Variants in ADCY5 observed in about 807,000 individuals in gnomAD.
ADCY5 encodes adenylate cyclase 5, also known as adenylate cyclase type 5.
Under a neutral mutation model 119.7 loss-of-function variants are expected in ADCY5, and 30 were observed. That is an observed-to-expected ratio of 0.25 (90% confidence interval 0.19 to 0.34). ADCY5 has a LOEUF of 0.34. Among genes scored for constraint, ADCY5 ranks in the 10% least tolerant of loss-of-function variants. The pLI, the probability that ADCY5 is intolerant of heterozygous loss-of-function variation, is 1.00. For missense variants in ADCY5, 1,324 were observed against 1,775.2 expected (o/e 0.75, Z 4.57); for synonymous variants, 753 against 762.2 (o/e 0.99, Z 0.20).
At chr3:123,408,345 G>T (rs9841404) in intron 1 of ADCY5, among the ~76,000 whole-genome samples, 42,317 of 140,572 alleles carry the variant, frequency 0.3, 5,883 homozygotes, top group East Asian at 0.45. Context: ...TACGTTTTTT[G>T]TTTTTTTTTT....
chr3:123,437,006 T>C (rs184358923), intron 1 of ADCY5, among the ~76,000 whole-genome samples: 188 of 152,180 alleles, frequency 1.2e-3, no homozygotes, highest in African/African-American at 4.4e-3. Context: ...GAGACAAGGA[T>C]TTGAGTACAA....
chr3:123,287,649 T>C (rs990349517), intron 19 of ADCY5, among the ~76,000 whole-genome samples: 7 of 152,156 alleles, frequency 4.6e-5, no homozygotes, highest in Admixed American at 4.6e-4. Flanking sequence ...CCATCAGTCC[T>C]CAGAACTTCC....
chr3:123,437,609 G>A (rs1945642381), intron 1 of ADCY5, among the ~76,000 whole-genome samples: 1 of 152,188 alleles, frequency 6.6e-6, no homozygotes, highest in South Asian at 2.1e-4. Flanking sequence ...GAAGGGATTA[G>A]CCCAGTGCCA....
chr3:123,320,786 T>A lies in ADCY5; in HGVS notation c.2089-15A>T. On this transcript the variant is annotated splice_polypyrimidine_tract_variant and intron_variant, in intron 8 of 20. Coordinates refer to ENST00000462833, the MANE Select transcript of ADCY5 (RefSeq NM_183357.3). Reference sequence around the variant, plus strand: ...TCTTCAAAGCCCTAGAAGAGAAGGATAGAAAGAGAAAGAGAAGAGAATGAG... The same window carrying A: ...TCTTCAAAGCCCTAGAAGAGAAGGAAAGAAAGAGAAAGAGAAGAGAATGAG... 1 of 1,582,516 alleles carries A rather than the reference T, an allele frequency of 6.3e-7. No homozygotes were observed. The highest frequency in any genetic ancestry group is 8.7e-7 in the Non-Finnish European group (1 of 1,153,384).
At chr3:123,381,337 G>C (rs1029194969) in intron 1 of ADCY5, among the ~76,000 whole-genome samples, 16 of 152,304 alleles carry the variant, frequency 1.1e-4, no homozygotes, top group African/African-American at 3.9e-4. Flanking sequence ...CTTTACCTGT[G>C]GCCTGTGCCA....
At chr3:123,306,949 G>GAACC (rs1387365086) in intron 12 of ADCY5, among the ~76,000 whole-genome samples, 1 of 152,204 alleles carries the variant, frequency 6.6e-6, no homozygotes, top group East Asian at 1.9e-4. Context: ...CTACATGGAT[G>GAACC]AACCTTGAAA....
rs1943476574 is a variant in ADCY5, at chr3:123,367,268, G to A, written c.1135-14687C>T. On this transcript the variant is annotated intron_variant, in intron 1 of 20. Transcript: ENST00000462833. ...GCAGACACATTCCCATACAAACCAA[G>A]GACATGAGTTGGGGCAGGAGGACAA... Among the ~76,000 whole-genome samples, 3 of 152,158 alleles carry A rather than the reference G, an allele frequency of 2.0e-5. No homozygotes were observed. In the South Asian group the frequency reaches 6.2e-4, roughly 32 times the overall value.
rs9824181 is a variant in ADCY5 at position 123,377,148 on chromosome 3, A to G, written c.1135-24567T>C. On this transcript the variant is annotated intron_variant, in intron 1 of 20. Coordinates refer to ENST00000462833, the MANE Select transcript of ADCY5 (RefSeq NM_183357.3). ...AGCCACGATGATCTTCTCAAAACACACATCGGATCATGTAAACTGCACTTC... is the reference window on the plus strand; with the variant it reads ...AGCCACGATGATCTTCTCAAAACACGCATCGGATCATGTAAACTGCACTTC... 5.5e-3 allele frequency among the ~76,000 whole-genome samples: 845 copies of G among 152,304 alleles called. 6 individuals are homozygous for G. Among genetic ancestry groups the G allele is most frequent in the African/African-American group, 0.02 (821 of 41,548 alleles).
At chr3:123,417,778 A>G (rs187798046) in intron 1 of ADCY5, among the ~76,000 whole-genome samples, 4 of 152,262 alleles carry the variant, frequency 2.6e-5, no homozygotes, top group Non-Finnish European at 5.9e-5. Context: ...TCCTCTGAAA[A>G]TGAAAGGGCT....
Position 123,389,937 on chromosome 3 carries a change from CT to C in ADCY5, c.1135-37357del, listed in dbSNP as rs200973919. Among the ~76,000 whole-genome samples, 939 of 152,298 alleles carry C rather than the reference CT, an allele frequency of 6.2e-3. 6 individuals are homozygous for C. The highest frequency in any genetic ancestry group is 0.021 in the African/African-American group (866 of 41,566). ...TGGGGGGCTACAAATAGCCCTTAGCCTTCCTCAAGAGTGGAGAGAGGAGAGG... is the reference window on the plus strand; with the variant it reads ...TGGGGGGCTACAAATAGCCCTTAGCCTCCTCAAGAGTGGAGAGAGGAGAGG... On this transcript the variant is annotated intron_variant, in intron 1 of 20. Coordinates refer to ENST00000462833, the MANE Select transcript of ADCY5 (RefSeq NM_183357.3).
intron 12 of ADCY5, among the ~76,000 whole-genome samples, chr3:123,310,345 G>A (rs905904572): frequency 2.0e-5 from 3 of 152,118 alleles, no homozygotes; most frequent in Admixed American, 6.5e-5. Context: ...CTGCTTCACC[G>A]GATGATGAGG....
At chr3:123,445,629 A>G (rs891659885) in intron 1 of ADCY5, among the ~76,000 whole-genome samples, 1 of 152,172 alleles carries the variant, frequency 6.6e-6, no homozygotes, top group African/African-American at 2.4e-5. Flanking sequence ...TAACTTTTAA[A>G]CCACCACCTC....
chr3:123,328,832 G>GA, intron 5 of ADCY5, 30 bp from the exon 6 acceptor site: 2 of 1,607,794 alleles, frequency 1.2e-6, no homozygotes, highest in Non-Finnish European at 1.7e-6. Context: ...AAAGCTGGGA[G>GA]AAGGCTGGAG....
intron 12 of ADCY5, among the ~76,000 whole-genome samples, chr3:123,310,145 C>T (rs1940472964): frequency 6.7e-6 from 1 of 148,886 alleles, no homozygotes; most frequent in African/African-American, 2.6e-5. Flanking sequence ...CACACACACA[C>T]ACACAGCTAC....
chr3:123,316,544 C>G (rs535325642), intron 11 of ADCY5, among the ~76,000 whole-genome samples: 1 of 152,222 alleles, frequency 6.6e-6, no homozygotes, highest in Non-Finnish European at 1.5e-5. Context: ...GAATCCCTCT[C>G]GGCTACTTTT....
chr3:123,384,863 C>A (rs2107568997), intron 1 of ADCY5, among the ~76,000 whole-genome samples: 1 of 152,230 alleles, frequency 6.6e-6, no homozygotes, highest in Non-Finnish European at 1.5e-5. Context: ...GACCCCTCGG[C>A]CCGGGAGAGG....
chr3:123,334,686 C>T (rs945889738), intron 3 of ADCY5, among the ~76,000 whole-genome samples: 5 of 152,118 alleles, frequency 3.3e-5, no homozygotes, highest in South Asian at 4.2e-4. Context: ...TGCAGTGAGC[C>T]GAGACAGTGC....
Position 123,352,291 on chromosome 3 carries a change from ATTCCCCATGGGTTGGTCCC to A in ADCY5, c.1284+122_1284+140del. 1 of 1,074,850 alleles carries A rather than the reference ATTCCCCATGGGTTGGTCCC, an allele frequency of 9.3e-7. No individual in the cohort carries two copies. The highest frequency in any genetic ancestry group is 2.7e-5 in the East Asian group (1 of 36,488). 66.6% of individuals were successfully genotyped at this position (1,074,850 alleles called of 1,614,324 possible). A position where few individuals can be genotyped will look rare whatever the true frequency, so the allele number is the denominator to read the frequency against. Reference sequence around the variant, plus strand: ...ATGCTGGACTCTCTCCAGGGGAAACATTCCCCATGGGTTGGTCCCCTCCCGGGGAGTGGGGCTGGCAGCC... The same window carrying A: ...ATGCTGGACTCTCTCCAGGGGAAACACTCCCGGGGAGTGGGGCTGGCAGCC... On this transcript the variant is annotated intron_variant, in intron 2 of 20. Transcript: ENST00000462833. This position sits in a 1 kb window ranked among gnomAD's most constrained non-coding sequence, Gnocchi z 4.8.
At chr3:123,381,107 T>G (rs1025140698) in intron 1 of ADCY5, among the ~76,000 whole-genome samples, 6 of 152,240 alleles carry the variant, frequency 3.9e-5, no homozygotes, top group Non-Finnish European at 8.8e-5. Context: ...ATGTGCCAAG[T>G]GCTAGCACAC....
Sources: allele counts gnomAD v4.1 joint callset (sites outside exome capture counted in the v4.1 genomes callset), GRCh38; gene constraint gnomAD v4.1.1; non-coding constraint Gnocchi (gnomAD v3.1); transcripts MANE v1.5; gene names NCBI Gene and HGNC (gene_info 2026-07-23, HGNC 2026-07-21).